The following GCH1 variants were observed in gnomAD, a reference collection of about 807,000 sequenced individuals.
GCH1 encodes the protein GTP cyclohydrolase 1, also known as GTP cyclohydrolase I.
A neutral mutation model predicts 25.9 loss-of-function variants in GCH1; 5 were observed. That is an observed-to-expected ratio of 0.19 (90% confidence interval 0.10 to 0.41). The LOEUF (loss-of-function observed/expected upper bound fraction) is 0.41. Among genes scored for constraint, GCH1 ranks in the 10% least tolerant of loss-of-function variants. GCH1 has a pLI of 1.00. For missense variants in GCH1, 261 were observed against 336.5 expected (o/e 0.78, Z 1.75); for synonymous variants, 159 against 129.6 (o/e 1.23, Z -1.54).
chr14:54,892,561 C>A (rs2040437173), intron 1 of GCH1, among the ~76,000 whole-genome samples: 1 of 152,068 alleles, frequency 6.6e-6, no homozygotes, highest in Admixed American at 6.6e-5. Context: ...TGGTGGTGGG[C>A]ACCTGTAATC....
At chr14:54,895,747 G>A (rs1377796909) in intron 1 of GCH1, among the ~76,000 whole-genome samples, 1 of 152,204 alleles carries the variant, frequency 6.6e-6, no homozygotes, top group African/African-American at 2.4e-5. Flanking sequence ...GGTCTGAGCT[G>A]GTCCAAGGAT....
intron 1 of GCH1, among the ~76,000 whole-genome samples, chr14:54,892,407 T>C (rs903115849): frequency 2.0e-5 from 3 of 152,176 alleles, no homozygotes; most frequent in Non-Finnish European, 4.4e-5. Context: ...ACAGAATGAA[T>C]TACTGATGTG....
intron 1 of GCH1, among the ~76,000 whole-genome samples, chr14:54,879,725 C>A (rs140328333): frequency 6.6e-6 from 1 of 152,006 alleles, no homozygotes; most frequent in African/African-American, 2.4e-5. Context: ...TGAGGCCGGT[C>A]GCAGTGGCTC....
At chr14:54,896,851 C>T (rs190880003) in intron 1 of GCH1, among the ~76,000 whole-genome samples, 6 of 146,446 alleles carry the variant, frequency 4.1e-5, no homozygotes, top group Non-Finnish European at 5.9e-5. Context: ...ACCGGGAGAC[C>T]GAGCTTGCAG....
chr14:54,862,713 C>T (rs1183804382), intron 2 of GCH1, among the ~76,000 whole-genome samples: 2 of 150,982 alleles, frequency 1.3e-5, no homozygotes, highest in South Asian at 2.1e-4. Context: ...CCTTGGCCTC[C>T]CAAAGTGTTG....
At chr14:54,883,238 G>C (rs1281706794) in intron 1 of GCH1, among the ~76,000 whole-genome samples, 1 of 151,798 alleles carries the variant, frequency 6.6e-6, no homozygotes, top group African/African-American at 2.4e-5. Flanking sequence ...CGGGCACGGT[G>C]GCGCGTGCCT....
chr14:54,893,441 G>A (rs898064165), intron 1 of GCH1, among the ~76,000 whole-genome samples: 1 of 152,190 alleles, frequency 6.6e-6, no homozygotes, highest in Non-Finnish European at 1.5e-5. Flanking sequence ...GTCAGGTGGG[G>A]AATGCCCAGG....
chr14:54,854,789 C>T (rs1158507909), intron 3 of GCH1, among the ~76,000 whole-genome samples: 1 of 152,164 alleles, frequency 6.6e-6, no homozygotes, highest in Non-Finnish European at 1.5e-5. Context: ...AAAATAGATA[C>T]TATTTTTTAC....
intron 1 of GCH1, chr14:54,886,003 A>G: frequency 3.7e-6 from 1 of 268,004 alleles, no homozygotes; most frequent in Non-Finnish European, 7.4e-6. Context: ...GGGCTCTGCC[A>G]GCTCCTGGAA....
At chr14:54,869,234 T>C (rs1428881969) in intron 1 of GCH1, among the ~76,000 whole-genome samples, 1 of 151,830 alleles carries the variant, frequency 6.6e-6, no homozygotes, top group Non-Finnish European at 1.5e-5. Context: ...AGAGACGGGG[T>C]TTCACTATGT....
chr14:54,882,151 C>T lies in GCH1; in HGVS notation c.344-16715G>A, dbSNP rs11158026. Among the ~76,000 whole-genome samples the T allele has an allele frequency of 0.45, 68,200 of 152,036 alleles. 17,006 individuals carry two copies. Among genetic ancestry groups the T allele is most frequent in the African/African-American group, 0.67 (27,921 of 41,480 alleles). On this transcript the variant is annotated intron_variant, in intron 1 of 5. Transcript: ENST00000491895. ...TTTACTGCCTCTTAGGGGAACCGCA[C>T]GCACAGTGGTTCAAGATGTAGAATG...
chr14:54,859,737 C>A lies in GCH1; in HGVS notation c.454-1G>T. ...TGTTAGGAAGATAACCAATATGGAC[C>A]TTCAGAGAAGAGACGGAAATCATTA... is the stretch of plus-strand genomic sequence containing the variant. On this transcript the variant is annotated splice_acceptor_variant, in intron 2 of 5. Transcript: ENST00000491895. LOFTEE classifies it high-confidence loss of function. 6.4e-7 allele frequency: 1 copy of A among 1,572,510 alleles called. No homozygotes were observed. Among genetic ancestry groups the A allele is most frequent in the South Asian group, 1.1e-5 (1 of 90,240 alleles).
chr14:54,881,174 GT>G (rs2040266929), intron 1 of GCH1, among the ~76,000 whole-genome samples: 1 of 151,662 alleles, frequency 6.6e-6, no homozygotes, highest in African/African-American at 2.4e-5. Context: ...GCTGGCATTT[GT>G]TTTTTCTATA....
chr14:54,902,688 C>A lies in GCH1; in HGVS notation c.-25G>T. 1 of 1,433,706 alleles carries A rather than the reference C, an allele frequency of 7.0e-7. No homozygotes were observed. The highest frequency in any genetic ancestry group is 1.4e-5 in the South Asian group (1 of 70,170). 88.8% of individuals were successfully genotyped at this position (1,433,706 alleles called of 1,614,324 possible). A position where few individuals can be genotyped will look rare whatever the true frequency, so the allele number is the denominator to read the frequency against. The stretch of plus-strand genomic sequence containing the variant: ...TGGACCCGCCGCAGCCGCTGCCGTT[C>A]GGGAAGGACCCCGGGGCGCTTCGAG... On this transcript the variant is annotated 5_prime_UTR_variant, in exon 1 of 6. Transcript: ENST00000491895.
intron 1 of GCH1, among the ~76,000 whole-genome samples, chr14:54,898,087 A>G (rs1315716032): frequency 2.0e-5 from 3 of 152,204 alleles, no homozygotes; most frequent in Non-Finnish European, 2.9e-5. Context: ...TTGTGTATTT[A>G]AAGATATGTA....
chr14:54,885,466 TGATA>T (rs1381951326), intron 1 of GCH1: 3 of 243,690 alleles, frequency 1.2e-5, no homozygotes, highest in Non-Finnish European at 2.5e-5. Flanking sequence ...CTTCAACAGG[TGATA>T]GATAGATGCT....
At chr14:54,900,209 GT>G in intron 1 of GCH1, among the ~76,000 whole-genome samples, 2 of 149,276 alleles carry the variant, frequency 1.3e-5, no homozygotes. Context: ...CAGTTTTTTT[GT>G]TTTTTTTGTT....
Position 54,865,313 on chromosome 14 carries a change from A to G in GCH1, c.453+14T>C. On this transcript the variant is annotated intron_variant, in intron 2 of 5. Coordinates refer to ENST00000491895, the MANE Select transcript of GCH1 (RefSeq NM_000161.3). ...ATGTTTTAAATTGCTGGGAAACAAC[A>G]AAGAGAACCTTACCTTTCCAACAAA... 1 of 1,223,374 alleles carries G rather than the reference A, an allele frequency of 8.2e-7. No individual in the cohort carries two copies. The highest frequency in any genetic ancestry group is 1.2e-6 in the Non-Finnish European group (1 of 824,536). The allele number at this position is 1,223,374 out of a possible 1,614,324, so 75.8% of individuals were successfully genotyped here.
At chr14:54,856,422 C>G (rs1022996313) in intron 3 of GCH1, among the ~76,000 whole-genome samples, 3 of 152,148 alleles carry the variant, frequency 2.0e-5, no homozygotes, top group Non-Finnish European at 4.4e-5. Context: ...ACTCTAAATT[C>G]AAGATTTCGT....
Sources: gnomAD v4.1 joint callset for allele counts (sites outside exome capture counted in the v4.1 genomes callset) on GRCh38, gnomAD v4.1.1 for gene constraint, MANE v1.5 for transcripts, NCBI Gene and HGNC (gene_info 2026-07-23, HGNC 2026-07-21) for gene names.